The following MCC variants were observed in gnomAD, a reference collection of about 807,000 sequenced individuals.
The protein encoded by MCC is colorectal mutant cancer protein.
Under a neutral mutation model 116.2 loss-of-function variants are expected in MCC, and 90 were observed. That is an observed-to-expected ratio of 0.77 (90% CI 0.65 to 0.92). MCC has a LOEUF of 0.92. MCC is among the 40% of genes least tolerant of loss of function. MCC has a pLI of 0.00. For missense variants in MCC, 1,516 were observed against 1,312.2 expected (o/e 1.16, Z -2.40); for synonymous variants, 578 against 510.5 (o/e 1.13, Z -1.78).
intron 16 of MCC, among the ~76,000 whole-genome samples, chr5:113,046,682 A>C (rs1752094659): frequency 9.9e-6 from 1 of 101,350 alleles, no homozygotes; most frequent in Admixed American, 1.2e-4. Context: ...CAAACTCAAA[A>C]GGCAAAAAAA....
chr5:113,299,946 AG>A (rs1311069106), intron 3 of MCC, among the ~76,000 whole-genome samples: 1 of 152,196 alleles, frequency 6.6e-6, no homozygotes, highest in African/African-American at 2.4e-5. Flanking sequence ...TGGGATGAGA[AG>A]AGGCAGCAGC....
intron 2 of MCC, among the ~76,000 whole-genome samples, chr5:113,347,129 A>G (rs1222638339): frequency 1.3e-5 from 2 of 152,202 alleles, no homozygotes. Flanking sequence ...AATGAGCAAC[A>G]AGTGCTCATC....
At chr5:113,135,098 C>T (rs1049357765) in intron 5 of MCC, among the ~76,000 whole-genome samples, 4 of 151,516 alleles carry the variant, frequency 2.6e-5, no homozygotes, top group South Asian at 2.1e-4. Flanking sequence ...TGCCACCACA[C>T]CTGGCTAATT....
intron 3 of MCC, among the ~76,000 whole-genome samples, chr5:113,216,145 A>G (rs912968913): frequency 2.0e-5 from 3 of 152,178 alleles, no homozygotes; most frequent in African/African-American, 7.2e-5. Context: ...CTTTTGCTGC[A>G]AAAATGGCAG....
chr5:113,238,203 A>C (rs1402236838), intron 3 of MCC, among the ~76,000 whole-genome samples: 1 of 152,228 alleles, frequency 6.6e-6, no homozygotes, highest in Non-Finnish European at 1.5e-5. Context: ...CTGTTGAAAT[A>C]GACATTAAAT....
intron 1 of MCC, among the ~76,000 whole-genome samples, chr5:113,386,541 G>A (rs901493003): frequency 2.6e-5 from 4 of 151,686 alleles, no homozygotes; most frequent in African/African-American, 9.7e-5. Flanking sequence ...TCTTCTCCCC[G>A]AAATGCTTTT....
intron 11 of MCC, among the ~76,000 whole-genome samples, chr5:113,081,171 A>G (rs990885102): frequency 6.6e-6 from 1 of 152,202 alleles, no homozygotes; most frequent in African/African-American, 2.4e-5. Flanking sequence ...ACATCAGGAT[A>G]TACTGGTAGC....
chr5:113,065,433 C>A (rs28584789), intron 13 of MCC, among the ~76,000 whole-genome samples: 11,348 of 152,202 alleles, frequency 0.075, 454 homozygotes, highest in Non-Finnish European at 0.084. Flanking sequence ...GGTTTGCTAC[C>A]TGTACAGCAC....
At chr5:113,429,888 C>T (rs74620832) in intron 1 of MCC, among the ~76,000 whole-genome samples, 4,899 of 152,280 alleles carry the variant, frequency 0.032, 109 homozygotes, top group East Asian at 0.075. Context: ...AGTAAAACGT[C>T]CTGTGAGATA....
chr5:113,171,654 C>T (rs1761077825), intron 3 of MCC, among the ~76,000 whole-genome samples: 1 of 152,070 alleles, frequency 6.6e-6, no homozygotes. Flanking sequence ...CGCGCCTGGC[C>T]CTGGAAAGTG....
chr5:113,356,202 C>A (rs1768407977), intron 2 of MCC, among the ~76,000 whole-genome samples: 2 of 151,596 alleles, frequency 1.3e-5, no homozygotes, highest in South Asian at 2.1e-4. Flanking sequence ...TCTCGAGTAG[C>A]CTGGCTAAGT....
At position 113,306,250 on chromosome 5, in the gene MCC, CA is replaced by C. The variant is rs1297604069; in HGVS notation, c.627+34268del. Among the ~76,000 whole-genome samples the C allele has an allele frequency of 2.0e-5, 3 of 152,222 alleles. No individual in the cohort carries two copies. In the East Asian group the frequency reaches 5.8e-4, roughly 29 times the overall value. On this transcript the variant is annotated intron_variant, in intron 3 of 18. Transcript: ENST00000408903. ...AGTTTTTAATATGGACATATGTTTT[CA>C]ATTCTCTCGGGTATATACCTAAGAA...
At chr5:113,355,283 G>T (rs952607254) in intron 2 of MCC, among the ~76,000 whole-genome samples, 2 of 152,106 alleles carry the variant, frequency 1.3e-5, no homozygotes, top group African/African-American at 4.8e-5. Context: ...TTGGGTTTGG[G>T]AATTTGCCTT....
intron 2 of MCC, among the ~76,000 whole-genome samples, chr5:113,365,677 T>C (rs145758622): frequency 1.0e-3 from 157 of 152,332 alleles, no homozygotes; most frequent in African/African-American, 3.6e-3. Flanking sequence ...GGGTAATTTA[T>C]AAAGAAAAGA....
rs761418082 is a variant in MCC, at chr5:113,488,418, C to A, written c.-4G>T. The A allele has an allele frequency of 7.1e-7, 1 of 1,401,856 alleles. No individual in the cohort carries two copies. The highest frequency in any genetic ancestry group is 9.2e-7 in the Non-Finnish European group (1 of 1,091,046). 86.8% of individuals were successfully genotyped at this position (1,401,856 alleles called of 1,614,324 possible). ...CTGCCGCCGCGGCCGCCATCATGCG[C>A]CCGCTCCCTACTTGGGAGGAGGAGT... On this transcript the variant is annotated 5_prime_UTR_variant, in exon 1 of 19. Coordinates refer to ENST00000408903, the MANE Select transcript of MCC (RefSeq NM_001085377.2).
chr5:113,040,383 G>A (rs1451660673), intron 17 of MCC, among the ~76,000 whole-genome samples: 3 of 152,042 alleles, frequency 2.0e-5, no homozygotes, highest in Admixed American at 6.6e-5. Flanking sequence ...GACAGCCCAT[G>A]GCTTAGCCTC....
chr5:113,294,747 T>A (rs1446461174), intron 3 of MCC: 2 of 993,804 alleles, frequency 2.0e-6, no homozygotes, highest in East Asian at 1.1e-4. Context: ...CCGCCCCCCA[T>A]TACCAGGATG....
intron 1 of MCC, among the ~76,000 whole-genome samples, chr5:113,476,987 T>A (rs1772250430): frequency 1.3e-5 from 2 of 152,244 alleles, no homozygotes; most frequent in Admixed American, 1.3e-4. Flanking sequence ...CCTTCATTTG[T>A]TAAACATGAG....
At position 113,104,186 on chromosome 5, in the gene MCC, G is replaced by A. The variant is rs749257706; in HGVS notation, c.1191+6C>T. On this transcript the variant is annotated splice_donor_region_variant and intron_variant, in intron 7 of 18. Transcript: ENST00000408903. ...AAGGGCCTCACAGAGGGTGAGGAAG[G>A]TCTACCTTAATAGCCAGGTCACAGT... is the stretch of plus-strand genomic sequence containing the variant. The A allele has an allele frequency of 1.0e-5, 16 of 1,604,526 alleles. No individual in the cohort carries two copies. Among genetic ancestry groups the A allele is most frequent in the East Asian group, 4.5e-5 (2 of 44,668 alleles).
Sources: allele counts gnomAD v4.1 joint callset (sites outside exome capture counted in the v4.1 genomes callset), GRCh38; gene constraint gnomAD v4.1.1; transcripts MANE v1.5; gene names NCBI Gene and HGNC (gene_info 2026-07-23, HGNC 2026-07-21).